PARVA: variants seen among roughly 807,000 people sequenced by gnomAD.
PARVA encodes parvin alpha, also known as alpha-parvin.
A neutral mutation model predicts 52.6 loss-of-function variants in PARVA; 25 were observed. The ratio of observed to expected loss-of-function variants is 0.48; its 90% CI spans 0.35 to 0.66. PARVA has a LOEUF of 0.66. PARVA is among the 30% of genes least tolerant of loss of function. The pLI is 0.01. For synonymous variants in PARVA, 185 were observed against 179.1 expected (o/e 1.03, Z -0.26); for missense variants, 373 against 450.9 (o/e 0.83, Z 1.56).
chr11:12,416,737 G>A (rs1249692364), intron 1 of PARVA, among the ~76,000 whole-genome samples: 1 of 151,312 alleles, frequency 6.6e-6, no homozygotes, highest in Admixed American at 6.6e-5. Flanking sequence ...TAGGGAGGAG[G>A]CAGAGAAGGA....
chr11:12,406,108 G>A (rs1939902152), intron 1 of PARVA, among the ~76,000 whole-genome samples: 1 of 152,198 alleles, frequency 6.6e-6, no homozygotes, highest in African/African-American at 2.4e-5. Flanking sequence ...AACCAGTAGG[G>A]AAGATATACA....
chr11:12,484,376 T>C (rs1941129538), intron 4 of PARVA, among the ~76,000 whole-genome samples: 1 of 152,178 alleles, frequency 6.6e-6, no homozygotes, highest in Non-Finnish European at 1.5e-5. Flanking sequence ...ATGAGAGTCA[T>C]AAGCTTCCAG....
At chr11:12,417,218 C>A (rs1011201668) in intron 1 of PARVA, among the ~76,000 whole-genome samples, 1 of 152,088 alleles carries the variant, frequency 6.6e-6, no homozygotes, top group Non-Finnish European at 1.5e-5. Flanking sequence ...GGTTGTAAAT[C>A]CTGTGTAGAT....
At chr11:12,521,360 A>T (rs538473017) in intron 12 of PARVA, among the ~76,000 whole-genome samples, 2 of 152,214 alleles carry the variant, frequency 1.3e-5, no homozygotes, top group Non-Finnish European at 2.9e-5. Context: ...TTAAAACTCT[A>T]ATCATACCAA....
At chr11:12,456,274 A>G (rs1312463881) in intron 1 of PARVA, among the ~76,000 whole-genome samples, 3 of 152,224 alleles carry the variant, frequency 2.0e-5, no homozygotes, top group Non-Finnish European at 1.5e-5. Flanking sequence ...CGTATGTGCC[A>G]TGTCATCTAC....
chr11:12,421,758 T>C (rs1402030170), intron 1 of PARVA, among the ~76,000 whole-genome samples: 1 of 152,246 alleles, frequency 6.6e-6, no homozygotes, highest in East Asian at 1.9e-4. Context: ...AAATATAGTT[T>C]GTACACTCCA....
intron 12 of PARVA, among the ~76,000 whole-genome samples, chr11:12,520,769 G>A (rs1800384396): frequency 6.6e-6 from 1 of 152,158 alleles, no homozygotes; most frequent in South Asian, 2.1e-4. Context: ...GGGCAACATA[G>A]TGAGACCCCA....
chr11:12,419,685 C>T (rs752332785), intron 1 of PARVA, among the ~76,000 whole-genome samples: 7 of 152,248 alleles, frequency 4.6e-5, no homozygotes, highest in East Asian at 1.9e-4. Context: ...TTTTGAGGAA[C>T]GGCCATACTG....
At chr11:12,445,095 T>C (rs1383505462) in intron 1 of PARVA, among the ~76,000 whole-genome samples, 2 of 152,178 alleles carry the variant, frequency 1.3e-5, no homozygotes, top group East Asian at 1.9e-4. Flanking sequence ...CTAACTCTGA[T>C]TGTATATGTA....
intron 4 of PARVA, among the ~76,000 whole-genome samples, chr11:12,488,540 T>A (rs991647511): frequency 3.3e-5 from 5 of 152,182 alleles, no homozygotes; most frequent in African/African-American, 1.2e-4. Flanking sequence ...GGGTAGAGTC[T>A]GAGCAAGAAA....
chr11:12,403,831 ACACCTTG>A (rs890857601), intron 1 of PARVA, among the ~76,000 whole-genome samples: 1 of 152,182 alleles, frequency 6.6e-6, no homozygotes, highest in Admixed American at 6.5e-5. Flanking sequence ...ACCTCTAGTT[ACACCTTG>A]CACCTTGCAC....
chr11:12,477,777 GCTGGT>G, intron 3 of PARVA, 65 bp from the exon 4 acceptor site: 1 of 815,414 alleles, frequency 1.2e-6, no homozygotes, highest in Non-Finnish European at 2.1e-6. Context: ...GGATAAGAAA[GCTGGT>G]CTGTAAGAAA....
chr11:12,471,932 C>T (rs1940941036), intron 1 of PARVA, among the ~76,000 whole-genome samples: 1 of 152,222 alleles, frequency 6.6e-6, no homozygotes, highest in African/African-American at 2.4e-5. Flanking sequence ...ATTTCCACTG[C>T]TCACTCCTTG....
rs879179495 is a variant in PARVA at position 12,477,920 on chromosome 11, A to G, written c.371A>G (p.Tyr124Cys). ...IIVKDLAEDLYDGQVLQKLFE... is the reference protein window; with the variant it reads ...IIVKDLAEDLCDGQVLQKLFE... ...GTGAAAGACCTAGCTGAAGATTTGT[A>G]TGATGGACAAGTCCTGCAGAAGCTT... The change falls in exon 4 of 13, where the codon TAT becomes TGT. Residue 124 changes from tyrosine (Y) to cysteine (C), a missense_variant. By Grantham distance (194) the Tyr-to-Cys change is radical. Coordinates refer to ENST00000334956, the MANE Select transcript of PARVA (RefSeq NM_018222.5). 5 of 1,608,552 alleles carry G rather than the reference A, an allele frequency of 3.1e-6. No homozygotes were observed. The highest frequency in any genetic ancestry group is 4.5e-5 in the East Asian group (2 of 44,866).
chr11:12,439,490 G>A (rs551432023), intron 1 of PARVA, among the ~76,000 whole-genome samples: 88 of 152,344 alleles, frequency 5.8e-4, no homozygotes, highest in Middle Eastern at 6.8e-3. Flanking sequence ...GGAGCATGAA[G>A]TAGATGTCTA....
In PARVA at chr11:12,449,208, C is replaced by T. The variant is rs530363977; in HGVS notation, c.137-24537C>T. Among the ~76,000 whole-genome samples, 163 of 152,054 alleles carry T rather than the reference C, an allele frequency of 1.1e-3. 2 individuals are homozygous for T. Among genetic ancestry groups the T allele is most frequent in the Non-Finnish European group, 2.0e-3 (138 of 67,966 alleles). ...TCTCCCCGTCGCCCAGGCTGGAGGGCAGTGGCGCAATCTCGGCTCACTGCA... is the reference window on the plus strand; with the variant it reads ...TCTCCCCGTCGCCCAGGCTGGAGGGTAGTGGCGCAATCTCGGCTCACTGCA... On this transcript the variant is annotated intron_variant, in intron 1 of 12. Coordinates refer to ENST00000334956, the MANE Select transcript of PARVA (RefSeq NM_018222.5).
chr11:12,530,483 T>C lies in PARVA; in HGVS notation c.*2558T>C, dbSNP rs561529742. 23 of 152,334 alleles carry C rather than the reference T, an allele frequency of 1.5e-4. No homozygotes were observed. The highest frequency in any genetic ancestry group is 4.8e-4 in the African/African-American group (20 of 41,578). 9.4% of individuals were successfully genotyped at this position (152,334 alleles called of 1,614,324 possible). A position where few individuals can be genotyped will look rare whatever the true frequency, so the allele number is the denominator to read the frequency against. On this transcript the variant is annotated 3_prime_UTR_variant, in exon 13 of 13. Coordinates refer to ENST00000334956, the MANE Select transcript of PARVA (RefSeq NM_018222.5). ...TTAATTTAAACTCAGTTATTTTTAATGCTTAATACATACATGGTGCAAAAT... is the reference window on the plus strand; with the variant it reads ...TTAATTTAAACTCAGTTATTTTTAACGCTTAATACATACATGGTGCAAAAT...
At chr11:12,400,318 C>T (rs927236632) in intron 1 of PARVA, among the ~76,000 whole-genome samples, 3 of 152,082 alleles carry the variant, frequency 2.0e-5, no homozygotes, top group Non-Finnish European at 2.9e-5. Context: ...GAATGTTTTT[C>T]GTGCATAAAC....
At chr11:12,452,549 T>A (rs1940637486) in intron 1 of PARVA, among the ~76,000 whole-genome samples, 1 of 152,194 alleles carries the variant, frequency 6.6e-6, no homozygotes, top group Admixed American at 6.5e-5. Flanking sequence ...TCTGCCTTTG[T>A]CAGATCCCCA....
Sources: gnomAD v4.1 joint callset for allele counts (sites outside exome capture counted in the v4.1 genomes callset) on GRCh38, gnomAD v4.1.1 for gene constraint, MANE v1.5 for transcripts, NCBI Gene and HGNC (gene_info 2026-07-23, HGNC 2026-07-21) for gene names.